The following KHDRBS2 variants were observed in gnomAD, a reference collection of about 807,000 sequenced individuals.
KHDRBS2 encodes the protein KH RNA binding domain containing, signal transduction associated 2.
KHDRBS2 carries 26 observed loss-of-function variants against 44.3 expected under a neutral mutation model. The ratio of observed to expected loss-of-function variants is 0.59; its 90% CI spans 0.43 to 0.81. KHDRBS2 has a LOEUF of 0.81. KHDRBS2 is among the 40% of genes least tolerant of loss of function. The pLI is 0.00. For synonymous variants in KHDRBS2, 194 were observed against 151.1 expected (o/e 1.28, Z -2.08); for missense variants, 476 against 433.1 (o/e 1.10, Z -0.88).
At chr6:61,818,448 T>C (rs1646334663) in intron 6 of KHDRBS2, among the ~76,000 whole-genome samples, 1 of 151,984 alleles carries the variant, frequency 6.6e-6, no homozygotes, top group South Asian at 2.1e-4. Context: ...GGAGTGTTAA[T>C]TCTGCACTAT....
intron 6 of KHDRBS2, among the ~76,000 whole-genome samples, chr6:61,852,806 A>AGT (rs1223912995): frequency 8.5e-5 from 13 of 152,158 alleles, no homozygotes; most frequent in Non-Finnish European, 1.5e-4. Context: ...TTAAAAATTG[A>AGT]GTGTGTGTGT....
chr6:61,568,732 G>A, the KHDRBS2 span, among the ~76,000 whole-genome samples: 2 of 152,164 alleles, frequency 1.3e-5, no homozygotes, highest in Non-Finnish European at 2.9e-5. Flanking sequence ...AGTAGAAGCA[G>A]CAGTGGAAAG....
At chr6:61,837,979 T>C (rs1191489500) in intron 6 of KHDRBS2, among the ~76,000 whole-genome samples, 1 of 152,024 alleles carries the variant, frequency 6.6e-6, no homozygotes, top group African/African-American at 2.4e-5. Context: ...GATCCTCTTC[T>C]AGTGCTGATA....
At chr6:61,696,655 G>A (rs552482683) in intron 8 of KHDRBS2, among the ~76,000 whole-genome samples, 1 of 152,094 alleles carries the variant, frequency 6.6e-6, no homozygotes, top group African/African-American at 2.4e-5. Context: ...GTATAATTAT[G>A]ATTAATTTTA....
intron 1 of KHDRBS2, among the ~76,000 whole-genome samples, chr6:62,192,215 G>T (rs142645717): frequency 1.3e-5 from 2 of 151,750 alleles, no homozygotes; most frequent in African/African-American, 4.8e-5. Context: ...TTATTAATTG[G>T]GAACAACCTG....
intron 6 of KHDRBS2, among the ~76,000 whole-genome samples, chr6:61,882,124 G>A (rs1347880858): frequency 6.6e-6 from 1 of 151,970 alleles, no homozygotes; most frequent in Non-Finnish European, 1.5e-5. Flanking sequence ...CTTAACATGT[G>A]AGGTGTTCTC....
At chr6:61,665,140 C>A in the KHDRBS2 span, among the ~76,000 whole-genome samples, 1 of 151,310 alleles carries the variant, frequency 6.6e-6, no homozygotes, top group African/African-American at 2.4e-5. Flanking sequence ...ATTTTACTTC[C>A]AATTAAAAAT....
intron 1 of KHDRBS2, among the ~76,000 whole-genome samples, chr6:62,188,011 C>T (rs1362663219): frequency 2.0e-5 from 3 of 151,950 alleles, no homozygotes; most frequent in East Asian, 1.9e-4. Context: ...GCATGTCACA[C>T]GGTGAGACAA....
At chr6:61,795,884 A>G (rs1253714036) in intron 6 of KHDRBS2, among the ~76,000 whole-genome samples, 1 of 152,138 alleles carries the variant, frequency 6.6e-6, no homozygotes, top group Non-Finnish European at 1.5e-5. Context: ...TATTTTTACT[A>G]TCTTAGGATT....
In KHDRBS2 at chr6:62,066,013, T is replaced by C. The variant is rs150516034; in HGVS notation, c.220-18019A>G. On this transcript the variant is annotated intron_variant, in intron 2 of 8. Transcript: ENST00000281156. ...CCTTTGGTCATGTTTTAAATGTTTT[T>C]CATCCTGTGTGGAGAGTCCTTAAAT... is the stretch of plus-strand genomic sequence containing the variant. Among the ~76,000 whole-genome samples the C allele has an allele frequency of 2.3e-3, 345 of 151,830 alleles. 1 individual carries two copies. Among genetic ancestry groups the C allele is most frequent in the African/African-American group, 7.6e-3 (315 of 41,522 alleles).
intron 6 of KHDRBS2, among the ~76,000 whole-genome samples, chr6:61,853,766 T>A (rs76403272): frequency 0.01 from 1,593 of 152,312 alleles, 28 homozygotes; most frequent in African/African-American, 0.037. Context: ...GGTGGATGGT[T>A]TTTGGGCTGA....
chr6:62,115,083 T>G (rs1805895809), intron 2 of KHDRBS2, among the ~76,000 whole-genome samples: 1 of 152,152 alleles, frequency 6.6e-6, no homozygotes, highest in South Asian at 2.1e-4. Flanking sequence ...GTTGGAGTAT[T>G]AAAATGATTC....
intron 6 of KHDRBS2, among the ~76,000 whole-genome samples, chr6:61,854,026 T>C (rs532872737): frequency 3.6e-4 from 55 of 152,268 alleles, no homozygotes; most frequent in Non-Finnish European, 7.4e-4. Flanking sequence ...TAGTCTCTAT[T>C]TGGGATTTCC....
At chr6:61,721,766 T>G (rs1286838486) in intron 7 of KHDRBS2, among the ~76,000 whole-genome samples, 4 of 101,566 alleles carry the variant, frequency 3.9e-5, no homozygotes, top group African/African-American at 1.4e-4. Context: ...TTGAATACCT[T>G]TTATTTCCTT....
chr6:61,570,137 C>A, the KHDRBS2 span, among the ~76,000 whole-genome samples: 2 of 151,866 alleles, frequency 1.3e-5, no homozygotes, highest in South Asian at 4.2e-4. Context: ...TCAAGGAGAT[C>A]CCAGAGAAAG....
intron 6 of KHDRBS2, among the ~76,000 whole-genome samples, chr6:61,775,683 G>A (rs9444958): frequency 0.031 from 4,681 of 152,266 alleles, 256 homozygotes; most frequent in African/African-American, 0.11. Flanking sequence ...CTCATGGGTA[G>A]GAAGAATCAA....
chr6:62,038,098 G>A (rs1785674364), intron 3 of KHDRBS2, among the ~76,000 whole-genome samples: 3 of 152,052 alleles, frequency 2.0e-5, no homozygotes, highest in Admixed American at 6.6e-5. Context: ...GAAATGCCTC[G>A]TGATCAGCAT....
intron 1 of KHDRBS2, among the ~76,000 whole-genome samples, chr6:62,242,111 T>TA (rs1834774362): frequency 6.6e-6 from 1 of 152,166 alleles, no homozygotes; most frequent in African/African-American, 2.4e-5. Flanking sequence ...ATCATATTAT[T>TA]AAAATTTACA....
At chr6:61,822,765 G>A (rs2127253484) in intron 6 of KHDRBS2, among the ~76,000 whole-genome samples, 1 of 151,952 alleles carries the variant, frequency 6.6e-6, no homozygotes, top group East Asian at 1.9e-4. Flanking sequence ...CTCCTTCTCA[G>A]ACTCTATCTT....
Sources: gnomAD v4.1 joint callset for allele counts (sites outside exome capture counted in the v4.1 genomes callset) on GRCh38, gnomAD v4.1.1 for gene constraint, MANE v1.5 for transcripts, NCBI Gene and HGNC (gene_info 2026-07-23, HGNC 2026-07-21) for gene names.